Variants in THEMIS observed in about 807,000 individuals in gnomAD.
THEMIS encodes the protein protein THEMIS.
In THEMIS, 37 loss-of-function variants were observed where a neutral mutation model predicts 52.6. The ratio of observed to expected loss-of-function variants is 0.70; its 90% CI spans 0.54 to 0.93. The LOEUF (loss-of-function observed/expected upper bound fraction) is 0.93, where lower values mean the gene tolerates loss of function less well. Ranked by LOEUF, THEMIS falls within the 40% of genes least tolerant of loss-of-function variation. THEMIS has a pLI of 0.00. For synonymous variants in THEMIS, 292 were observed against 272.7 expected, an observed-to-expected ratio of 1.07 and a Z score of -0.70; for missense variants, 808 against 763.1, an observed-to-expected ratio of 1.06 and a Z score of -0.69.
intron 1 of THEMIS, among the ~76,000 whole-genome samples, chr6:127,878,958 T>C (rs1780396088): frequency 6.6e-6 from 1 of 152,218 alleles, no homozygotes; most frequent in Non-Finnish European, 1.5e-5. Context: ...TTATTGTTTC[T>C]AGTAAGAAGA....
chr6:127,855,877 T>C (rs1779602468), intron 1 of THEMIS, among the ~76,000 whole-genome samples: 1 of 151,924 alleles, frequency 6.6e-6, no homozygotes, highest in Non-Finnish European at 1.5e-5. Context: ...TTTCCTTTAA[T>C]ATTCCCTGAT....
intron 3 of THEMIS, among the ~76,000 whole-genome samples, chr6:127,815,316 T>C (rs1417423998): frequency 6.6e-6 from 1 of 152,184 alleles, no homozygotes; most frequent in Non-Finnish European, 1.5e-5. Flanking sequence ...ATTTTTTTCT[T>C]CCTTCCATGC....
intron 1 of THEMIS, among the ~76,000 whole-genome samples, chr6:127,876,795 T>C (rs750174602): frequency 2.6e-5 from 4 of 152,154 alleles, no homozygotes; most frequent in African/African-American, 4.8e-5. Flanking sequence ...AGAGTGACAA[T>C]AGAGCATCTT....
At chr6:127,849,817 C>T (rs1554236743) in intron 2 of THEMIS, among the ~76,000 whole-genome samples, 1 of 151,922 alleles carries the variant, frequency 6.6e-6, no homozygotes, top group Non-Finnish European at 1.5e-5. Flanking sequence ...AAAAATTATT[C>T]TGGAAATGAG....
At chr6:127,907,284 A>T (rs552272031) in intron 1 of THEMIS, among the ~76,000 whole-genome samples, 1 of 147,032 alleles carries the variant, frequency 6.8e-6, no homozygotes, top group Non-Finnish European at 1.5e-5. Flanking sequence ...TTCTACCTAC[A>T]AAATAAGCTT....
At chr6:127,806,116 A>G (rs1412261185) in intron 4 of THEMIS, among the ~76,000 whole-genome samples, 1 of 152,102 alleles carries the variant, frequency 6.6e-6, no homozygotes, top group African/African-American at 2.4e-5. Flanking sequence ...CTTAATACAT[A>G]CTGTGCAATG....
intron 5 of THEMIS, among the ~76,000 whole-genome samples, chr6:127,714,883 A>T (rs116464543): frequency 0.021 from 3,223 of 152,028 alleles, 109 homozygotes; most frequent in African/African-American, 0.074. Flanking sequence ...TTGCCTTCAT[A>T]ATTAGCATTC....
the THEMIS span, among the ~76,000 whole-genome samples, chr6:127,701,702 T>G: frequency 6.6e-5 from 10 of 152,284 alleles, no homozygotes; most frequent in Admixed American, 3.3e-4. Flanking sequence ...TTCAAAACGT[T>G]CATTTTTTGA....
intron 4 of THEMIS, among the ~76,000 whole-genome samples, chr6:127,759,196 A>T (rs979530235): frequency 6.6e-6 from 1 of 152,176 alleles, no homozygotes; most frequent in Admixed American, 6.5e-5. Flanking sequence ...CTTGATTATA[A>T]GAAAATTGCA....
chr6:127,712,522 A>T (rs1373010688), intron 5 of THEMIS, among the ~76,000 whole-genome samples: 1 of 151,938 alleles, frequency 6.6e-6, no homozygotes, highest in East Asian at 1.9e-4. Flanking sequence ...TTTGGCATTC[A>T]CCTACTCCTT....
chr6:127,841,573 T>C (rs1448810719), intron 2 of THEMIS, among the ~76,000 whole-genome samples: 1 of 152,040 alleles, frequency 6.6e-6, no homozygotes, highest in Admixed American at 6.6e-5. Context: ...AGAATTCTGA[T>C]CTGATATTAC....
intron 4 of THEMIS, among the ~76,000 whole-genome samples, chr6:127,764,384 A>C (rs1180114631): frequency 6.6e-6 from 1 of 151,990 alleles, no homozygotes; most frequent in Non-Finnish European, 1.5e-5. Flanking sequence ...ATACTAAAGA[A>C]ACATTAAAAC....
intron 4 of THEMIS, among the ~76,000 whole-genome samples, chr6:127,809,788 AG>A (rs1271879994): frequency 6.6e-6 from 1 of 151,280 alleles, no homozygotes; most frequent in African/African-American, 2.4e-5. Flanking sequence ...ATGGAATATA[AG>A]TCTGCACTCT....
intron 4 of THEMIS, among the ~76,000 whole-genome samples, chr6:127,753,500 G>T (rs1285396103): frequency 1.3e-5 from 2 of 151,816 alleles, no homozygotes; most frequent in East Asian, 3.9e-4. Context: ...ATTATTGAAA[G>T]ACATTGACAA....
rs78417429 is a variant in THEMIS at position 127,823,485 on chromosome 6, G to A, written c.709+5991C>T. Among the ~76,000 whole-genome samples, 912 of 152,092 alleles carry A rather than the reference G, an allele frequency of 6.0e-3. 13 individuals are homozygous for A. Among genetic ancestry groups the A allele is most frequent in the African/African-American group, 0.021 (870 of 41,468 alleles). On this transcript the variant is annotated intron_variant, in intron 3 of 5. Transcript: ENST00000368248. The stretch of plus-strand genomic sequence containing the variant: ...TGTACTGTGAAACATAAATATACAC[G>A]CATAAACAATGTGTTACTTGCTTTA...
At chr6:127,704,158 C>T (rs1279762392), downstream of THEMIS, among the ~76,000 whole-genome samples, 1 of 152,154 alleles carries the variant, frequency 6.6e-6, no homozygotes, top group Non-Finnish European at 1.5e-5. Flanking sequence ...GACATTTAGA[C>T]CATAGCATGT....
chr6:127,918,262 C>T (rs895880000), intron 1 of THEMIS, among the ~76,000 whole-genome samples: 1 of 152,178 alleles, frequency 6.6e-6, no homozygotes, highest in Non-Finnish European at 1.5e-5. Context: ...GGATTATCAA[C>T]TTGACCCTGC....
intron 1 of THEMIS, among the ~76,000 whole-genome samples, chr6:127,877,873 C>T (rs528491799): frequency 1.3e-5 from 2 of 152,074 alleles, no homozygotes; most frequent in Non-Finnish European, 2.9e-5. Flanking sequence ...GCAATATTTA[C>T]TTGTGAAGCA....
chr6:127,910,234 G>A lies in THEMIS; in HGVS notation c.-150+8194C>T, dbSNP rs1044002021. Among the ~76,000 whole-genome samples the A allele has an allele frequency of 3.3e-5, 5 of 152,184 alleles. No individual in the cohort carries two copies. The South Asian group carries it at 6.2e-4, about 19-fold the overall frequency. On this transcript the variant is annotated intron_variant, in intron 1 of 6. Coordinates refer to the THEMIS transcript ENST00000368250. ...TTTTTTATAAAGAATTACAGTCATA[G>A]TTCAGACTACCTTCTCAGTGTCTCT...
Sources: allele counts gnomAD v4.1 joint callset (sites outside exome capture counted in the v4.1 genomes callset), GRCh38; gene constraint gnomAD v4.1.1; transcripts MANE v1.5; gene names NCBI Gene and HGNC (gene_info 2026-07-23, HGNC 2026-07-21).